The following NUP35 variants were observed in gnomAD, a reference collection of about 807,000 sequenced individuals.
The protein encoded by NUP35 is nucleoporin NUP35.
NUP35 carries 25 observed loss-of-function variants against 41.5 expected under a neutral mutation model. The observed-to-expected ratio is 0.60, with a 90% CI of 0.44 to 0.84. NUP35 has a LOEUF of 0.84. Ranked by LOEUF, NUP35 falls within the 40% of genes least tolerant of loss-of-function variation. The pLI is 0.00. For synonymous variants in NUP35, 149 were observed against 130.7 expected, an observed-to-expected ratio of 1.14 and a Z score of -0.96; for missense variants, 396 against 396.6, an observed-to-expected ratio of 1.00 and a Z score of 0.01.
rs553098110 is a variant in NUP35 at position 183,135,238 on chromosome 2, T to TA, written c.397+1616dup. Among the ~76,000 whole-genome samples the TA allele has an allele frequency of 6.6e-5, 10 of 152,332 alleles. No individual in the cohort carries two copies. In the South Asian group the frequency reaches 2.1e-3, roughly 32 times the overall value. On this transcript the variant is annotated intron_variant, in intron 4 of 8. Coordinates refer to ENST00000295119, the MANE Select transcript of NUP35 (RefSeq NM_138285.5). ...AGGTCATGGACATCATTTGGGGACC[T>TA]ACCCAGCTTATTCCACCTACCACTG...
intron 1 of NUP35, chr2:183,118,859 A>C (rs1008019901): frequency 3.3e-5 from 5 of 152,194 alleles, no homozygotes; most frequent in Non-Finnish European, 7.3e-5. Flanking sequence ...AGGGTTTTAC[A>C]TGTTGGCATA....
intron 1 of NUP35, among the ~76,000 whole-genome samples, chr2:183,127,929 C>T (rs6759975): frequency 0.16 from 23,951 of 151,864 alleles, 2,199 homozygotes; most frequent in African/African-American, 0.24. Flanking sequence ...CAAAAATTAG[C>T]TGGGCGTGGT....
Position 183,128,339 on chromosome 2 carries a change from T to C in NUP35, c.93T>C (p.Asn31=). The change falls in exon 2 of 9, where the codon AAT becomes AAC. Residue 31 remains asparagine (N), a synonymous_variant. Transcript: ENST00000295119. ...GSPTSPKPGV[N]AQFLPGFLMG... ...CCACATCTCCAAAGCCAGGAGTTAA[T>C]GCCCAGTTCTTACCTGGATTTTTAA... 6.2e-7 allele frequency: 1 copy of C among 1,613,688 alleles called. No homozygotes were observed. Among genetic ancestry groups the C allele is most frequent in the Non-Finnish European group, 8.5e-7 (1 of 1,179,740 alleles).
At chr2:183,158,469 A>G (rs961494498) in intron 7 of NUP35, 58 bp downstream of exon 7, 3 of 1,452,074 alleles carry the variant, frequency 2.1e-6, no homozygotes, top group African/African-American at 2.9e-5. Context: ...CACAAGACCA[A>G]GGATTGAAAT....
At chr2:183,120,198 C>A (rs533705813), upstream of NUP35, 2 of 152,318 alleles carry the variant, frequency 1.3e-5, no homozygotes, top group Non-Finnish European at 2.9e-5. Flanking sequence ...GTAATCCCAA[C>A]ACTTTGGGAG....
intron 2 of NUP35, among the ~76,000 whole-genome samples, chr2:183,129,576 T>C (rs1559142727): frequency 6.6e-6 from 1 of 152,254 alleles, no homozygotes; most frequent in Non-Finnish European, 1.5e-5. Flanking sequence ...AGCCAACGTA[T>C]ATTGATTGCT....
chr2:183,121,142 GA>G (rs1422626108), upstream of NUP35, among the ~76,000 whole-genome samples: 1 of 152,100 alleles, frequency 6.6e-6, no homozygotes, highest in African/African-American at 2.4e-5. Context: ...TTGTACTTAG[GA>G]AAAGATTGTC....
intron 6 of NUP35, 42 bp downstream of exon 6, chr2:183,157,555 G>C: frequency 7.6e-7 from 1 of 1,317,264 alleles, no homozygotes. Context: ...TGACTAAAGA[G>C]GGATAAGTTG....
At chr2:183,128,094 C>A (rs1348454828) in intron 1 of NUP35, among the ~76,000 whole-genome samples, 193 bp from the exon 2 acceptor site, 4 of 150,694 alleles carry the variant, frequency 2.7e-5, no homozygotes, top group African/African-American at 4.9e-5. Context: ...AAAGTGAATA[C>A]AAGATAACTT....
intron 4 of NUP35, among the ~76,000 whole-genome samples, chr2:183,146,508 C>T (rs1325064235): frequency 1.3e-5 from 2 of 152,138 alleles, no homozygotes; most frequent in African/African-American, 2.4e-5. Flanking sequence ...CTCCAAACCG[C>T]TTTCTGTTGA....
intron 4 of NUP35, among the ~76,000 whole-genome samples, chr2:183,143,155 C>CAA (rs71407011): frequency 0.24 from 28,702 of 121,378 alleles, 3,301 homozygotes; most frequent in African/African-American, 0.3. Flanking sequence ...GACTCCATCT[C>CAA]AAAAAAAAAA....
chr2:183,158,333 G>A lies in NUP35; in HGVS notation c.660G>A (p.Gln220=), dbSNP rs539647872. ...ATATTCGTTATCAATCTAAACTGCA[G>A]GCTCGGAAAGCCTTAAGCAAAGATG... is the stretch of plus-strand genomic sequence containing the variant. ...WMHIRYQSKL[Q]ARKALSKDGR... Residue 220 remains glutamine, a synonymous_variant, in exon 7 of 9, where the codon CAG becomes CAA. Coordinates refer to ENST00000295119, the MANE Select transcript of NUP35 (RefSeq NM_138285.5). 2.8e-5 allele frequency: 45 copies of A among 1,608,832 alleles called. No individual in the cohort carries two copies. In the South Asian group the frequency reaches 4.7e-4, roughly 17 times the overall value.
intron 4 of NUP35, among the ~76,000 whole-genome samples, chr2:183,149,689 AG>A (rs1685397097): frequency 6.6e-6 from 1 of 152,330 alleles, no homozygotes; most frequent in Middle Eastern, 3.4e-3. Context: ...GTACTGCCAC[AG>A]GAAATAAACA....
intron 4 of NUP35, among the ~76,000 whole-genome samples, chr2:183,142,894 C>T (rs571175725): frequency 3.3e-5 from 5 of 151,844 alleles, no homozygotes; most frequent in South Asian, 4.2e-4. Context: ...CGGTGGCTCA[C>T]GCCTGTAATC....
intron 5 of NUP35, among the ~76,000 whole-genome samples, chr2:183,153,902 A>G (rs1040430031): frequency 1.3e-5 from 2 of 152,186 alleles, no homozygotes; most frequent in Non-Finnish European, 2.9e-5. Flanking sequence ...CTGCAGCACA[A>G]TTTTGCCTGG....
chr2:183,123,411 C>A (rs1289695035), upstream of NUP35, among the ~76,000 whole-genome samples: 3 of 152,204 alleles, frequency 2.0e-5, no homozygotes, highest in Non-Finnish European at 4.4e-5. Context: ...TCAATTCACA[C>A]ACCCATTTTC....
intron 7 of NUP35, among the ~76,000 whole-genome samples, chr2:183,159,229 A>G (rs1210144862): frequency 6.6e-6 from 1 of 152,114 alleles, no homozygotes; most frequent in Admixed American, 6.6e-5. Flanking sequence ...ATAGTGTTTT[A>G]GGAAATTCTT....
chr2:183,153,699 A>G (rs1360429444), intron 5 of NUP35, among the ~76,000 whole-genome samples: 3 of 152,044 alleles, frequency 2.0e-5, no homozygotes, highest in African/African-American at 7.2e-5. Context: ...CCGTGCTGGC[A>G]TTGCGTGTAT....
Position 183,124,479 on chromosome 2 carries a change from C to T in NUP35, c.22C>T (p.Pro8Ser). 1 of 1,614,072 alleles carries T rather than the reference C, an allele frequency of 6.2e-7. No homozygotes were observed. ...CGCAATGGCAGCCTTTGCAGTGGAA[C>T]CTCAGGGGCCCGCGTTAGGTGAGTG... MAAFAVEPQGPALGSEPM... is the reference protein window; with the variant it reads MAAFAVESQGPALGSEPM... Residue 8 changes from proline (P) to serine (S), a missense_variant, in exon 1 of 9, where the codon CCT becomes TCT. By Grantham distance (74) the Pro-to-Ser change is moderately conservative (BLOSUM62 -1). Transcript: ENST00000295119.
Sources: gnomAD v4.1 joint callset for allele counts (sites outside exome capture counted in the v4.1 genomes callset) on GRCh38, gnomAD v4.1.1 for gene constraint, MANE v1.5 for transcripts, NCBI Gene and HGNC (gene_info 2026-07-23, HGNC 2026-07-21) for gene names.